USP7: variants seen among roughly 807,000 people sequenced by gnomAD.
The protein encoded by USP7 is ubiquitin specific peptidase 7, also known as ubiquitin C-terminal hydrolase 7.
A neutral mutation model predicts 162.9 loss-of-function variants in USP7; 9 were observed. The observed-to-expected ratio is 0.06, with a 90% CI of 0.03 to 0.10. The LOEUF (loss-of-function observed/expected upper bound fraction) is 0.10, where lower values mean the gene tolerates loss of function less well. Ranked by LOEUF, USP7 falls within the 10% of genes least tolerant of loss-of-function variation. The pLI, the probability that USP7 is intolerant of heterozygous loss-of-function variation, is 1.00. For missense variants in USP7, 715 were observed against 1,373.7 expected, an observed-to-expected ratio of 0.52 and a Z score of 7.58; for synonymous variants, 562 against 475.9, an observed-to-expected ratio of 1.18 and a Z score of -2.35.
At chr16:8,915,415 A>C (rs1415987696) in intron 9 of USP7, 30 bp downstream of exon 9, 2 of 1,613,220 alleles carry the variant, frequency 1.2e-6, no homozygotes, top group Non-Finnish European at 1.7e-6. Context: ...AACCTTTAAA[A>C]ATCATCTTTT....
intron 15 of USP7, among the ~76,000 whole-genome samples, 192 bp from the exon 16 acceptor site, chr16:8,903,594 T>C (rs1484708898): frequency 3.3e-5 from 5 of 152,134 alleles, no homozygotes; most frequent in Non-Finnish European, 7.4e-5. Context: ...AAAAGGAGGC[T>C]GTGGGCAGGG....
chr16:8,939,249 G>A (rs547508047), intron 1 of USP7, among the ~76,000 whole-genome samples: 5 of 152,008 alleles, frequency 3.3e-5, no homozygotes, highest in African/African-American at 1.2e-4. Context: ...GCCCTGTTAC[G>A]ACCACCCACC....
chr16:8,905,130 G>A, intron 14 of USP7, 57 bp downstream of exon 14: 3 of 1,576,928 alleles, frequency 1.9e-6, no homozygotes, highest in Non-Finnish European at 2.6e-6. Flanking sequence ...GAGATTCATG[G>A]TACAAATGTC....
At chr16:8,922,652 G>C (rs1897761959) in intron 3 of USP7, among the ~76,000 whole-genome samples, 1 of 152,228 alleles carries the variant, frequency 6.6e-6, no homozygotes, top group African/African-American at 2.4e-5. Flanking sequence ...GGTTGACAAA[G>C]TGGTCCGTAC....
chr16:8,900,920 A>G (rs1355140992), intron 20 of USP7, 70 bp downstream of exon 20: 2 of 1,522,318 alleles, frequency 1.3e-6, no homozygotes, highest in African/African-American at 2.8e-5. Context: ...ATTCGGGGTA[A>G]AAAGAACAAA....
chr16:8,906,413 T>A lies in USP7; in HGVS notation c.1428+13A>T. 6.2e-7 allele frequency: 1 copy of A among 1,610,586 alleles called. No homozygotes were observed. The highest frequency in any genetic ancestry group is 2.2e-5 in the East Asian group (1 of 44,862). ...TGATGAGCTTGCATTCAGCCCTGGG[T>A]CCCACCACTTACTTTGCCATCCCCT... On this transcript the variant is annotated intron_variant, in intron 13 of 30. Transcript: ENST00000344836.
At chr16:8,938,735 G>T (rs1400204565) in intron 1 of USP7, among the ~76,000 whole-genome samples, 3 of 151,768 alleles carry the variant, frequency 2.0e-5, no homozygotes, top group Non-Finnish European at 4.4e-5. Context: ...TGGGGGGACG[G>T]GGGAGTCTGT....
At chr16:8,918,033 G>A (rs1482793732) in intron 6 of USP7, among the ~76,000 whole-genome samples, 3 of 151,902 alleles carry the variant, frequency 2.0e-5, no homozygotes, top group East Asian at 1.9e-4. Context: ...CTCATGATCC[G>A]CCCGCCTCGG....
intron 3 of USP7, among the ~76,000 whole-genome samples, chr16:8,921,724 T>C (rs1050656609): frequency 1.3e-5 from 2 of 152,150 alleles, no homozygotes; most frequent in Admixed American, 6.5e-5. Context: ...TCTGTGGCCT[T>C]AGAGCTTGCT....
intron 6 of USP7, among the ~76,000 whole-genome samples, 169 bp downstream of exon 6, chr16:8,918,862 A>C (rs1453203641): frequency 6.6e-6 from 1 of 152,234 alleles, no homozygotes. Context: ...CAGGTTACAA[A>C]GTAGGTGTCC....
chr16:8,898,646 A>T lies in USP7; in HGVS notation c.2532-7T>A. 1 of 1,563,212 alleles carries T rather than the reference A, an allele frequency of 6.4e-7. No homozygotes were observed. The highest frequency in any genetic ancestry group is 8.6e-7 in the Non-Finnish European group (1 of 1,157,302). ...ACCTGGGCCATCCCTATAACTACAC[A>T]AGAAAACAGCATATAAATAAATGAC... On this transcript the variant is annotated splice_region_variant and splice_polypyrimidine_tract_variant and intron_variant, in intron 23 of 30. Transcript: ENST00000344836.
At chr16:8,896,801 G>A (rs966700510) in intron 26 of USP7, among the ~76,000 whole-genome samples, 198 bp downstream of exon 26, 1 of 152,192 alleles carries the variant, frequency 6.6e-6, no homozygotes, top group African/African-American at 2.4e-5. Flanking sequence ...TTACCCCTGA[G>A]ACTTGAAAAA....
chr16:8,919,282 GATTCCCTTCTGCTT>G, intron 5 of USP7, 143 bp from the exon 6 acceptor site: 1 of 757,278 alleles, frequency 1.3e-6, no homozygotes, highest in South Asian at 1.6e-5. Flanking sequence ...AATGGTCACC[GATTCCCTTCTGCTT>G]GCTCCAGTGT....
At chr16:8,904,018 C>G (rs1411731514) in intron 15 of USP7, among the ~76,000 whole-genome samples, 1 of 152,204 alleles carries the variant, frequency 6.6e-6, no homozygotes, top group Non-Finnish European at 1.5e-5. Flanking sequence ...TTGAAGCAAC[C>G]TGACGTGCAC....
At chr16:8,953,163 C>T (rs1330845320) in intron 1 of USP7, among the ~76,000 whole-genome samples, 1 of 152,056 alleles carries the variant, frequency 6.6e-6, no homozygotes, top group African/African-American at 2.4e-5. Context: ...TCAGCTGTGT[C>T]GCCTTCTCTG....
At position 8,915,452 on chromosome 16, in the gene USP7, T is replaced by G; in HGVS notation, c.980A>C (p.Lys327Thr). 1 of 1,613,862 alleles carries G rather than the reference T, an allele frequency of 6.2e-7. No individual in the cohort carries two copies. The highest frequency in any genetic ancestry group is 1.7e-5 in the Admixed American group (1 of 60,018). Reference sequence around the variant, plus strand: ...GAACTGGTAGCCACATACCACCATTTTGCCGCGGAATAATTTGGGTATGGT... The same window carrying G: ...GAACTGGTAGCCACATACCACCATTGTGCCGCGGAATAATTTGGGTATGGT... ...EGTIPKLFRG[K>T]MVSYIQCKEV... is the part of the protein sequence containing the mutation. The change falls in exon 9 of 31, where the codon AAA (lysine) becomes ACA (threonine). Residue 327 changes from lysine to threonine, a missense_variant. Coordinates refer to ENST00000344836, the MANE Select transcript of USP7 (RefSeq NM_003470.3).
chr16:8,900,000 C>G (rs532142683), intron 21 of USP7: 1 of 577,168 alleles, frequency 1.7e-6, no homozygotes, highest in East Asian at 3.0e-5. Flanking sequence ...CACTACAAAA[C>G]AAAACCCCCT....
chr16:8,904,185 C>G (rs1029027625), intron 15 of USP7, among the ~76,000 whole-genome samples: 30 of 152,334 alleles, frequency 2.0e-4, no homozygotes, highest in Non-Finnish European at 4.3e-4. Context: ...GTATCAGGAA[C>G]TACTCTGGGA....
chr16:8,925,545 A>C (rs192031952), intron 2 of USP7, among the ~76,000 whole-genome samples: 1 of 152,334 alleles, frequency 6.6e-6, no homozygotes, highest in East Asian at 1.9e-4. Flanking sequence ...AAATTTTCCA[A>C]GGTACTCCTT....
Sources: allele counts gnomAD v4.1 joint callset (sites outside exome capture counted in the v4.1 genomes callset), GRCh38; gene constraint gnomAD v4.1.1; transcripts MANE v1.5; gene names NCBI Gene and HGNC (gene_info 2026-07-23, HGNC 2026-07-21).